ZNRF1: variants seen among roughly 807,000 people sequenced by gnomAD.
The protein encoded by ZNRF1 is E3 ubiquitin-protein ligase ZNRF1.
ZNRF1 carries 3 observed loss-of-function variants against 18.4 expected under a neutral mutation model. That is an observed-to-expected ratio of 0.16 (90% CI 0.07 to 0.42). The LOEUF (loss-of-function observed/expected upper bound fraction) is 0.42, where lower values mean the gene tolerates loss of function less well. ZNRF1 is among the 10% of genes least tolerant of loss of function. ZNRF1 has a pLI of 0.99. For missense variants in ZNRF1, 310 were observed against 329.8 expected (o/e 0.94, Z 0.47); for synonymous variants, 157 against 144.2 (o/e 1.09, Z -0.64).
At chr16:75,081,027 G>A (rs1320133975) in intron 1 of ZNRF1, among the ~76,000 whole-genome samples, 1 of 152,102 alleles carries the variant, frequency 6.6e-6, no homozygotes, top group East Asian at 1.9e-4. Flanking sequence ...ACAAAAATTA[G>A]CCGGGCGTGG....
chr16:75,028,287 CTTTTTGT>C (rs879827443), intron 1 of ZNRF1, among the ~76,000 whole-genome samples: 52 of 152,268 alleles, frequency 3.4e-4, no homozygotes, highest in Non-Finnish European at 4.9e-4. Context: ...CATTCTGGTA[CTTTTTGT>C]TTTTTGTTTT....
At position 74,999,882 on chromosome 16, in the gene ZNRF1, C is replaced by G; in HGVS notation, c.211C>G (p.Leu71Val). Residue 71 changes from leucine to valine, a missense_variant, in exon 1 of 5, where the codon CTC becomes GTC. By Grantham distance (32) the Leu-to-Val change is conservative. Around this residue, in one of 2 missense-constraint regions of ZNRF1, gnomAD observed 293 missense variants for 291.2 expected, o/e 1.01. Transcript: ENST00000335325. ...CACGGCCGGGGGGGTGCCCTTTGGC[C>G]TCTACACCCCCGCCTCCCGGGGCAC... ...PSTAGGVPFG[L>V]YTPASRGTGD... 1 of 1,537,098 alleles carries G rather than the reference C, an allele frequency of 6.5e-7. No homozygotes were observed. The highest frequency in any genetic ancestry group is 8.7e-7 in the Non-Finnish European group (1 of 1,144,892).
At chr16:75,104,958 A>G (rs2036297272) in intron 3 of ZNRF1, 69 bp downstream of exon 3, 2 of 1,312,790 alleles carry the variant, frequency 1.5e-6, no homozygotes, top group African/African-American at 2.9e-5. Context: ...ATCTCCAGCC[A>G]TTCTGTCTCC....
At chr16:75,074,196 G>A (rs560816410) in intron 1 of ZNRF1, among the ~76,000 whole-genome samples, 1 of 152,296 alleles carries the variant, frequency 6.6e-6, no homozygotes, top group Admixed American at 6.5e-5. Flanking sequence ...TAGACCTCCT[G>A]TATGGAGGCA....
At chr16:75,101,082 T>C (rs1208693694) in intron 2 of ZNRF1, among the ~76,000 whole-genome samples, 1 of 152,120 alleles carries the variant, frequency 6.6e-6, no homozygotes, top group African/African-American at 2.4e-5. Context: ...TACAGGTGCA[T>C]GCCACCATGG....
At chr16:75,022,398 C>T (rs2035163263) in intron 1 of ZNRF1, among the ~76,000 whole-genome samples, 1 of 151,630 alleles carries the variant, frequency 6.6e-6, no homozygotes, top group African/African-American at 2.4e-5. Context: ...CCCGTCTCTA[C>T]TAAAAATACA....
chr16:75,000,577 A>C (rs1038652242), intron 1 of ZNRF1, among the ~76,000 whole-genome samples: 5 of 152,192 alleles, frequency 3.3e-5, no homozygotes, highest in African/African-American at 1.2e-4. Context: ...TCTTGCTGGG[A>C]GAGAGAGGTG....
At chr16:75,039,012 G>A (rs991482138) in intron 1 of ZNRF1, among the ~76,000 whole-genome samples, 1 of 152,150 alleles carries the variant, frequency 6.6e-6, no homozygotes. Context: ...GTTAAGCACA[G>A]CATTACATTC....
rs189961881 is a variant in ZNRF1 at position 75,103,216 on chromosome 16, T to C, written c.521-1568T>C. On this transcript the variant is annotated intron_variant, in intron 2 of 4. Coordinates refer to ENST00000335325, the MANE Select transcript of ZNRF1 (RefSeq NM_032268.5). ...TGCCATAGGACTTAATAAAAACCAGTGGGTTCCCATGGGTGCAAGTAGCTT... is the reference window on the plus strand; with the variant it reads ...TGCCATAGGACTTAATAAAAACCAGCGGGTTCCCATGGGTGCAAGTAGCTT... 5.4e-3 allele frequency among the ~76,000 whole-genome samples: 817 copies of C among 152,316 alleles called. 4 individuals are homozygous for C. The highest frequency in any genetic ancestry group is 0.019 in the African/African-American group (782 of 41,566).
chr16:75,019,850 G>A (rs1567467820), intron 1 of ZNRF1, among the ~76,000 whole-genome samples: 1 of 151,910 alleles, frequency 6.6e-6, no homozygotes, highest in East Asian at 1.9e-4. Context: ...TCAGCCTCCC[G>A]AGTAGCTAGA....
At chr16:75,050,892 A>C (rs2035589921) in intron 1 of ZNRF1, among the ~76,000 whole-genome samples, 6 of 127,184 alleles carry the variant, frequency 4.7e-5, no homozygotes, top group African/African-American at 9.9e-5. Context: ...AAAAAAACAA[A>C]AAAAAACAAA....
chr16:75,011,905 T>C (rs980804505), intron 1 of ZNRF1, among the ~76,000 whole-genome samples: 1 of 152,212 alleles, frequency 6.6e-6, no homozygotes, highest in African/African-American at 2.4e-5. Context: ...GAAATAGTAT[T>C]ATGAGCTGTT....
intron 1 of ZNRF1, among the ~76,000 whole-genome samples, chr16:75,010,183 A>G (rs1184852719): frequency 6.6e-6 from 1 of 152,074 alleles, no homozygotes; most frequent in Non-Finnish European, 1.5e-5. Context: ...AGGTTTCACC[A>G]TATTGGCCAG....
At chr16:75,087,243 G>A (rs1275642015) in intron 1 of ZNRF1, among the ~76,000 whole-genome samples, 7 of 152,180 alleles carry the variant, frequency 4.6e-5, no homozygotes. Flanking sequence ...TGATGCACAT[G>A]ACCACATCAG....
At chr16:75,043,365 G>C (rs180680272) in intron 1 of ZNRF1, among the ~76,000 whole-genome samples, 20 of 152,240 alleles carry the variant, frequency 1.3e-4, no homozygotes, top group African/African-American at 4.8e-4. Context: ...CCCTTCCTCA[G>C]TTTTACTTTA....
At position 75,000,010 on chromosome 16, in the gene ZNRF1, C is replaced by T; in HGVS notation, c.339C>T (p.Asp113=). The change falls in exon 1 of 5, where the codon GAC becomes GAT. Residue 113 remains aspartate (D), a synonymous_variant. Coordinates refer to ENST00000335325, the MANE Select transcript of ZNRF1 (RefSeq NM_032268.5). ...YQETGGGHHR[D]GMLYLGSRAS... is the part of the protein sequence containing the mutation. Reference sequence around the variant, plus strand: ...AGACGGGCGGCGGTCACCATAGAGACGGGATGCTGTACCTGGGCTCCCGAG... The same window carrying T: ...AGACGGGCGGCGGTCACCATAGAGATGGGATGCTGTACCTGGGCTCCCGAG... The T allele has an allele frequency of 3.1e-6, 5 of 1,591,900 alleles. No individual in the cohort carries two copies. The highest frequency in any genetic ancestry group is 4.3e-6 in the Non-Finnish European group (5 of 1,170,438).
intron 1 of ZNRF1, among the ~76,000 whole-genome samples, chr16:75,012,594 T>C (rs1437351533): frequency 6.6e-6 from 1 of 152,178 alleles, no homozygotes. Flanking sequence ...CCTTGTGGCA[T>C]AGTGAAAATG....
intron 4 of ZNRF1, chr16:75,106,982 C>G: frequency 5.2e-6 from 1 of 193,700 alleles, no homozygotes; most frequent in Non-Finnish European, 1.1e-5. Context: ...AATCTCACTC[C>G]CTGTTGCCAT....
chr16:75,065,596 C>T (rs1211715714), intron 1 of ZNRF1, among the ~76,000 whole-genome samples: 1 of 152,212 alleles, frequency 6.6e-6, no homozygotes, highest in African/African-American at 2.4e-5. Flanking sequence ...CTTATCCCTT[C>T]TTCTGCCCTG....
Sources: allele counts gnomAD v4.1 joint callset (sites outside exome capture counted in the v4.1 genomes callset), GRCh38; gene constraint gnomAD v4.1.1; regional missense constraint gnomAD v4.1.1; transcripts MANE v1.5; gene names NCBI Gene and HGNC (gene_info 2026-07-23, HGNC 2026-07-21).